Variants in DCP1B observed in about 807,000 individuals in gnomAD.
DCP1B encodes the protein mRNA-decapping enzyme 1B.
Under a neutral mutation model 60.5 loss-of-function variants are expected in DCP1B, and 47 were observed. The observed-to-expected ratio is 0.78, with a 90% confidence interval of 0.61 to 0.99. DCP1B has a LOEUF of 0.99. DCP1B is among the 50% of genes least tolerant of loss of function. The pLI, the probability that DCP1B is intolerant of heterozygous loss-of-function variation, is 0.00. For missense variants in DCP1B, 725 were observed against 756.8 expected, an observed-to-expected ratio of 0.96 and a Z score of 0.49; for synonymous variants, 267 against 280.3, an observed-to-expected ratio of 0.95 and a Z score of 0.47.
intron 5 of DCP1B, among the ~76,000 whole-genome samples, chr12:1,963,496 G>A (rs2031195274): frequency 6.6e-6 from 1 of 152,192 alleles, no homozygotes; most frequent in South Asian, 2.1e-4. Context: ...CCTTCAAACG[G>A]ATAACTAATA....
intron 6 of DCP1B, among the ~76,000 whole-genome samples, chr12:1,953,622 T>G (rs1302955046): frequency 6.6e-6 from 1 of 152,144 alleles, no homozygotes; most frequent in Non-Finnish European, 1.5e-5. Flanking sequence ...AACAATCTGT[T>G]CAATAGGAAG....
chr12:1,952,185 T>G (rs1434365357), intron 7 of DCP1B, among the ~76,000 whole-genome samples: 1 of 152,188 alleles, frequency 6.6e-6, no homozygotes, highest in Non-Finnish European at 1.5e-5. Context: ...GTCTTTTTTT[T>G]TCTTAACAGA....
Position 1,949,148 on chromosome 12 carries a change from C to A in DCP1B, c.1711G>T (p.Val571Leu). 2.5e-6 allele frequency: 4 copies of A among 1,614,102 alleles called. No homozygotes were observed. Among genetic ancestry groups the A allele is most frequent in the Non-Finnish European group, 3.4e-6 (4 of 1,180,006 alleles). Residue 571 changes from valine to leucine, a missense_variant, in exon 8 of 9, where the codon GTG becomes TTG. Transcript: ENST00000280665. ...LLPIQSPEPS[V>L]ITSSPLTKLQ... ...TTGGTGAGTGGGCTGCTGGTGATCA[C>A]GGAGGGCTCCGGGCTCTGTATGGGC...
chr12:1,999,179 G>C (rs1356486023), intron 1 of DCP1B, among the ~76,000 whole-genome samples: 1 of 152,202 alleles, frequency 6.6e-6, no homozygotes, highest in Non-Finnish European at 1.5e-5. Context: ...TCAGCAATCT[G>C]GGTTTTATTA....
At chr12:2,002,399 G>A (rs540051466) in intron 1 of DCP1B, among the ~76,000 whole-genome samples, 2 of 152,352 alleles carry the variant, frequency 1.3e-5, no homozygotes, top group South Asian at 4.1e-4. Context: ...CAGCCTTGAA[G>A]ATTAGAACTT....
intron 1 of DCP1B, among the ~76,000 whole-genome samples, chr12:2,002,735 C>T (rs936935086): frequency 3.2e-4 from 48 of 152,270 alleles, no homozygotes; most frequent in African/African-American, 1.1e-3. Flanking sequence ...CTCTCTACTA[C>T]GGAATTACTT....
intron 3 of DCP1B, among the ~76,000 whole-genome samples, chr12:1,972,017 C>T (rs1229278594): frequency 6.6e-6 from 1 of 152,182 alleles, no homozygotes; most frequent in Non-Finnish European, 1.5e-5. Context: ...TTTAAATAGG[C>T]AGGACATCTG....
At position 1,962,515 on chromosome 12, in the gene DCP1B, A is replaced by C. The variant is rs1273061178; in HGVS notation, c.522+3043T>G. Among the ~76,000 whole-genome samples, 1 of 152,240 alleles carries C rather than the reference A, an allele frequency of 6.6e-6. No homozygotes were observed. Among genetic ancestry groups the C allele is most frequent in the Non-Finnish European group, 1.5e-5 (1 of 68,042 alleles). ...TATTTACCATTGTTACACTGTCTTC[A>C]CAGAACATTAAGTTCCTGGAGGGCA... On this transcript the variant is annotated intron_variant, in intron 5 of 8. Coordinates refer to ENST00000280665, the MANE Select transcript of DCP1B (RefSeq NM_152640.5). This position sits in a 1 kb window ranked among gnomAD's most constrained non-coding sequence, Gnocchi z 4.4.
chr12:2,002,919 A>G (rs1593456288), intron 1 of DCP1B, among the ~76,000 whole-genome samples: 1 of 151,998 alleles, frequency 6.6e-6, no homozygotes, highest in Middle Eastern at 3.4e-3. Flanking sequence ...AAACAAAAAC[A>G]AACAAAAAAA....
intron 3 of DCP1B, among the ~76,000 whole-genome samples, chr12:1,987,283 T>C (rs1474145599): frequency 1.3e-5 from 2 of 152,206 alleles, no homozygotes; most frequent in African/African-American, 4.8e-5. Context: ...CATATGTACA[T>C]CATTATAATA....
chr12:1,996,631 AAAAAAAAAAAAAAAAAAAAAAAAACAAC>A (rs1300880175), intron 2 of DCP1B, among the ~76,000 whole-genome samples: 7 of 107,822 alleles, frequency 6.5e-5, no homozygotes, highest in African/African-American at 2.0e-4. Flanking sequence ...AAAAAAAAAA[AAAAAAAAAAAAAAAAAAAAAAAAACAAC>A]AAACTCTTCT....
At chr12:1,960,049 T>C (rs1205315544) in intron 5 of DCP1B, among the ~76,000 whole-genome samples, 3 of 152,004 alleles carry the variant, frequency 2.0e-5, no homozygotes, top group Non-Finnish European at 4.4e-5. Context: ...TGGGTATATA[T>C]CCAGGGAAAA....
At chr12:1,981,581 A>T (rs1388991960) in intron 3 of DCP1B, among the ~76,000 whole-genome samples, 3 of 152,122 alleles carry the variant, frequency 2.0e-5, no homozygotes, top group African/African-American at 7.2e-5. Flanking sequence ...ATATGTTTAC[A>T]TGTCTGTCTT....
At chr12:1,978,149 G>C (rs2035008926) in intron 3 of DCP1B, among the ~76,000 whole-genome samples, 2 of 152,136 alleles carry the variant, frequency 1.3e-5, no homozygotes, top group African/African-American at 4.8e-5. Flanking sequence ...TCTGACCATG[G>C]GGAGAAAGCA....
In DCP1B at chr12:1,971,550, C is replaced by T. The variant is rs995619553; in HGVS notation, c.320-3640G>A. ...GACTTCATGTCTGGATTTTTTAGGT[C>T]CACAAAGACAAGGCAGAGAGCAAGC... On this transcript the variant is annotated intron_variant, in intron 3 of 8. Coordinates refer to ENST00000280665, the MANE Select transcript of DCP1B (RefSeq NM_152640.5). The surrounding 1 kb of genome is among the most constrained non-coding windows in gnomAD (Gnocchi z 4.2). Among the ~76,000 whole-genome samples the T allele has an allele frequency of 3.3e-5, 5 of 152,236 alleles. No individual in the cohort carries two copies. The South Asian group carries it at 1.0e-3, about 32-fold the overall frequency.
chr12:1,945,618 A>G (rs1592772004), downstream of DCP1B, among the ~76,000 whole-genome samples: 1 of 152,364 alleles, frequency 6.6e-6, no homozygotes. Context: ...AATAGCAAAG[A>G]CTTGGAACCA....
chr12:1,950,937 A>T (rs1473037116), intron 7 of DCP1B, among the ~76,000 whole-genome samples: 1 of 152,186 alleles, frequency 6.6e-6, no homozygotes, highest in Non-Finnish European at 1.5e-5. Context: ...ACGAGTCACC[A>T]TGCCCAGCCA....
intron 3 of DCP1B, among the ~76,000 whole-genome samples, chr12:1,979,156 G>A (rs1402920854): frequency 3.9e-5 from 6 of 152,142 alleles, no homozygotes; most frequent in South Asian, 4.1e-4. Flanking sequence ...GGGATTACAC[G>A]TGCCCGCCAT....
intron 3 of DCP1B, among the ~76,000 whole-genome samples, chr12:1,980,217 GT>G (rs756762341): frequency 1.2e-4 from 19 of 152,174 alleles, no homozygotes; most frequent in Non-Finnish European, 2.5e-4. Flanking sequence ...AATAATTCAA[GT>G]ATCTATCGAT....
Sources: allele counts gnomAD v4.1 joint callset (sites outside exome capture counted in the v4.1 genomes callset), GRCh38; gene constraint gnomAD v4.1.1; non-coding constraint Gnocchi (gnomAD v3.1); transcripts MANE v1.5; gene names NCBI Gene and HGNC (gene_info 2026-07-23, HGNC 2026-07-21).